Variants in SLC24A2 observed in about 807,000 individuals in gnomAD.
SLC24A2 encodes sodium/potassium/calcium exchanger 2.
SLC24A2 carries 36 observed loss-of-function variants against 62.0 expected under a neutral mutation model. The observed-to-expected ratio is 0.58, with a 90% confidence interval of 0.44 to 0.77. SLC24A2 has a LOEUF of 0.77. SLC24A2 is among the 30% of genes least tolerant of loss of function. The pLI is 0.00. For missense variants in SLC24A2, 846 were observed against 817.9 expected (o/e 1.03, Z -0.42); for synonymous variants, 358 against 294.0 (o/e 1.22, Z -2.23).
intron 4 of SLC24A2, among the ~76,000 whole-genome samples, chr9:19,609,847 G>C (rs1239527557): frequency 1.3e-5 from 2 of 152,132 alleles, no homozygotes; most frequent in Non-Finnish European, 2.9e-5. Flanking sequence ...TCAGGCATTA[G>C]ATTCTCATAA....
chr9:19,840,463 A>G, the SLC24A2 span, among the ~76,000 whole-genome samples: 3 of 152,198 alleles, frequency 2.0e-5, no homozygotes, highest in African/African-American at 4.8e-5. Flanking sequence ...TCAGCTATAC[A>G]GGAGCTTTTC....
At chr9:19,975,919 T>TG in the SLC24A2 span, among the ~76,000 whole-genome samples, 56 of 152,070 alleles carry the variant, frequency 3.7e-4, no homozygotes, top group Admixed American at 6.5e-4. Flanking sequence ...TTTGTTTGTT[T>TG]TTTTGAGACA....
At chr9:19,788,557 T>A in intron 1 of SLC24A2, 1 of 985,328 alleles carries the variant, frequency 1.0e-6, no homozygotes, top group Non-Finnish European at 1.2e-6. Context: ...TGGGTTGCAT[T>A]TGGTGAGGCG....
chr9:20,119,404 A>G, the SLC24A2 span, among the ~76,000 whole-genome samples: 2 of 152,182 alleles, frequency 1.3e-5, no homozygotes, highest in African/African-American at 4.8e-5. Flanking sequence ...AGAAAATCAA[A>G]TCCATCGATA....
intron 2 of SLC24A2, among the ~76,000 whole-genome samples, chr9:19,648,742 G>A (rs183758256): frequency 6.6e-6 from 1 of 152,236 alleles, no homozygotes; most frequent in East Asian, 1.9e-4. Flanking sequence ...AAGATTAAGA[G>A]GTTAGGGTTG....
intron 2 of SLC24A2, among the ~76,000 whole-genome samples, chr9:19,725,340 T>A (rs1250001278): frequency 6.6e-6 from 1 of 152,180 alleles, no homozygotes; most frequent in East Asian, 1.9e-4. Flanking sequence ...ACTCAATCAG[T>A]TGTTTTCTCA....
At position 19,576,951 on chromosome 9, in the gene SLC24A2, T is replaced by G. The variant is rs2383101; in HGVS notation, c.1201A>C (p.Arg401=). The change falls in exon 6 of 11, where the codon AGG becomes CGG. Residue 401 remains arginine (R), a synonymous_variant. Transcript: ENST00000341998. ...KKKCHVDENE[R]QNGAANHVEK... is the part of the protein sequence containing the mutation. ...ACGTGGTTGGCAGCCCCATTCTGCCTCTCGTTCTCATCCACATGACATTTC... is the reference window on the plus strand; with the variant it reads ...ACGTGGTTGGCAGCCCCATTCTGCCGCTCGTTCTCATCCACATGACATTTC... 0.81 allele frequency: 1,308,103 copies of G among 1,613,376 alleles called. 533,071 individuals carry two copies. Among genetic ancestry groups the G allele is most frequent in the East Asian group, 1 (44,847 of 44,862 alleles).
At chr9:19,771,806 C>T (rs749016440) in intron 2 of SLC24A2, among the ~76,000 whole-genome samples, 5 of 152,158 alleles carry the variant, frequency 3.3e-5, no homozygotes, top group South Asian at 2.1e-4. Flanking sequence ...TAGATCATTA[C>T]TGCTATTGTT....
the SLC24A2 span, among the ~76,000 whole-genome samples, chr9:20,144,333 T>C: frequency 6.6e-6 from 1 of 152,130 alleles, no homozygotes; most frequent in Non-Finnish European, 1.5e-5. Flanking sequence ...CACCCAAGTG[T>C]CAAAATAAGA....
the SLC24A2 span, among the ~76,000 whole-genome samples, chr9:20,254,297 A>T: frequency 6.6e-6 from 1 of 152,194 alleles, no homozygotes; most frequent in Non-Finnish European, 1.5e-5. Flanking sequence ...CCACTTGTTC[A>T]TCAAGCTGCT....
chr9:19,727,530 G>A (rs1035755990), intron 2 of SLC24A2, among the ~76,000 whole-genome samples: 1 of 152,084 alleles, frequency 6.6e-6, no homozygotes, highest in Non-Finnish European at 1.5e-5. Flanking sequence ...CAGGGATTTT[G>A]GCCAGTTTTG....
chr9:19,948,911 G>A, the SLC24A2 span, among the ~76,000 whole-genome samples: 35 of 150,418 alleles, frequency 2.3e-4, no homozygotes, highest in African/African-American at 7.5e-4. Context: ...GATTTAAAAT[G>A]TTTATTGTTT....
chr9:19,946,682 T>C, the SLC24A2 span, among the ~76,000 whole-genome samples: 2 of 152,178 alleles, frequency 1.3e-5, no homozygotes, highest in Non-Finnish European at 2.9e-5. Context: ...CTTCCTCTTC[T>C]CAGATAAGAA....
chr9:19,914,815 A>T, the SLC24A2 span, among the ~76,000 whole-genome samples: 1 of 152,104 alleles, frequency 6.6e-6, no homozygotes, highest in East Asian at 1.9e-4. Flanking sequence ...CCCCAGTGTC[A>T]TGTGGACAGG....
At chr9:19,528,668 T>A (rs547772923) in intron 8 of SLC24A2, among the ~76,000 whole-genome samples, 2 of 152,216 alleles carry the variant, frequency 1.3e-5, no homozygotes, top group East Asian at 3.9e-4. Flanking sequence ...TACCACAAAT[T>A]ATCAAGAAAG....
chr9:20,305,649 C>T, the SLC24A2 span, among the ~76,000 whole-genome samples: 3 of 152,124 alleles, frequency 2.0e-5, no homozygotes, highest in East Asian at 1.9e-4. Flanking sequence ...ATTTCACATA[C>T]GTCAGCATAT....
At chr9:19,762,075 T>C (rs976550766) in intron 2 of SLC24A2, among the ~76,000 whole-genome samples, 2 of 152,242 alleles carry the variant, frequency 1.3e-5, no homozygotes, top group African/African-American at 4.8e-5. Flanking sequence ...CCACAATGGT[T>C]GAACTAGTTT....
the SLC24A2 span, among the ~76,000 whole-genome samples, chr9:20,146,857 C>A: frequency 9.8e-3 from 1,491 of 152,190 alleles, 9 homozygotes; most frequent in Non-Finnish European, 0.014. Flanking sequence ...AAGTCAATTT[C>A]TCAATGTTCT....
chr9:19,544,600 C>A (rs554666302), intron 8 of SLC24A2, among the ~76,000 whole-genome samples: 1 of 152,268 alleles, frequency 6.6e-6, no homozygotes, highest in Admixed American at 6.5e-5. Context: ...GTGTTTCCTT[C>A]AGGAGCTCTT....
Sources: allele counts gnomAD v4.1 joint callset (sites outside exome capture counted in the v4.1 genomes callset), GRCh38; gene constraint gnomAD v4.1.1; transcripts MANE v1.5; gene names NCBI Gene and HGNC (gene_info 2026-07-23, HGNC 2026-07-21).